The following PTPRN2 variants were observed in gnomAD, a reference collection of about 807,000 sequenced individuals.
The protein encoded by PTPRN2 is receptor-type tyrosine-protein phosphatase N2.
Under a neutral mutation model 118.8 loss-of-function variants are expected in PTPRN2, and 74 were observed. The observed-to-expected ratio is 0.62, with a 90% CI of 0.52 to 0.76. The LOEUF (loss-of-function observed/expected upper bound fraction) is 0.76. Among genes scored for constraint, PTPRN2 ranks in the 30% least tolerant of loss-of-function variants. PTPRN2 has a pLI of 0.00. For missense variants in PTPRN2, 1,481 were observed against 1,394.4 expected (o/e 1.06, Z -0.99); for synonymous variants, 641 against 608.0 (o/e 1.05, Z -0.80).
intron 3 of PTPRN2, among the ~76,000 whole-genome samples, chr7:158,296,390 T>C (rs1800502309): frequency 6.6e-6 from 1 of 152,198 alleles, no homozygotes; most frequent in African/African-American, 2.4e-5. Flanking sequence ...TGGCTCCTGC[T>C]GAGAGTTACT....
In PTPRN2 at chr7:158,541,421, G is replaced by T. The variant is rs753029232; in HGVS notation, c.112+46137C>A. On this transcript the variant is annotated intron_variant, in intron 1 of 22. Coordinates refer to ENST00000389418, the MANE Select transcript of PTPRN2 (RefSeq NM_002847.5). ...AGCAAAGCAAGCATTATTCCACCCG[G>T]TTACCTGCCCACATCTGCACCAGAC... 12 of 1,343,364 alleles carry T rather than the reference G, an allele frequency of 8.9e-6. No individual in the cohort carries two copies. In the African/African-American group the frequency reaches 1.3e-4, roughly 15 times the overall value. The allele number at this position is 1,343,364 out of a possible 1,614,324, so 83.2% of individuals were successfully genotyped here. A position where few individuals can be genotyped will look rare whatever the true frequency, so the allele number is the denominator to read the frequency against.
At position 157,813,180 on chromosome 7, in the gene PTPRN2, T is replaced by A. The variant is rs1404307243; in HGVS notation, c.1788+85493A>T. On this transcript the variant is annotated intron_variant, in intron 12 of 22. Coordinates refer to ENST00000389418, the MANE Select transcript of PTPRN2 (RefSeq NM_002847.5). The surrounding 1 kb of genome is among the most constrained non-coding windows in gnomAD (Gnocchi z 4.7). Reference sequence around the variant, plus strand: ...CACAGACAAGCATCTCCAGAGCGCGTGGGACCGTAGAGAAGGCAGTGACAG... The same window carrying A: ...CACAGACAAGCATCTCCAGAGCGCGAGGGACCGTAGAGAAGGCAGTGACAG... 6.6e-6 allele frequency among the ~76,000 whole-genome samples: 1 copy of A among 152,110 alleles called. No homozygotes were observed.
intron 3 of PTPRN2, among the ~76,000 whole-genome samples, chr7:158,272,962 C>G (rs1049430436): frequency 1.3e-5 from 2 of 152,194 alleles, no homozygotes; most frequent in African/African-American, 4.8e-5. Flanking sequence ...TTGGGACTCT[C>G]GTTTCACTCA....
At chr7:157,962,807 G>C (rs1310182827) in intron 11 of PTPRN2, among the ~76,000 whole-genome samples, 1 of 152,212 alleles carries the variant, frequency 6.6e-6, no homozygotes, top group Admixed American at 6.5e-5. Context: ...ATTTACAAAT[G>C]AGGACCATAT....
chr7:157,771,655 A>C (rs374330040), intron 12 of PTPRN2, among the ~76,000 whole-genome samples: 15 of 152,218 alleles, frequency 9.9e-5, no homozygotes, highest in African/African-American at 3.6e-4. Flanking sequence ...GCACACACAC[A>C]GTCAGAGACA....
chr7:158,377,542 C>T (rs1415076961), intron 2 of PTPRN2, among the ~76,000 whole-genome samples: 1 of 152,114 alleles, frequency 6.6e-6, no homozygotes, highest in Non-Finnish European at 1.5e-5. Flanking sequence ...ATGCAGAGTG[C>T]TAGGGAGGAG....
intron 11 of PTPRN2, among the ~76,000 whole-genome samples, chr7:157,995,375 C>A (rs1804649466): frequency 6.6e-6 from 1 of 152,242 alleles, no homozygotes; most frequent in South Asian, 2.1e-4. Context: ...ACACTGTGTC[C>A]CCAGCTTACA....
rs936057472 is a variant in PTPRN2 at position 157,794,364 on chromosome 7, G to T, written c.1788+104309C>A. On this transcript the variant is annotated intron_variant, in intron 12 of 22. Coordinates refer to ENST00000389418, the MANE Select transcript of PTPRN2 (RefSeq NM_002847.5). This position sits in a 1 kb window ranked among gnomAD's most constrained non-coding sequence, Gnocchi z 5.2. ...CCAGGCTGCCTGCACTTCCGGTTCT[G>T]CGTCTGGCCGGCCTACGGGCACTCG... Among the ~76,000 whole-genome samples the T allele has an allele frequency of 6.6e-6, 1 of 152,190 alleles. No homozygotes were observed. The highest frequency in any genetic ancestry group is 2.4e-5 in the African/African-American group (1 of 41,424).
chr7:158,441,445 G>GTGGTGATAGTGATAGTGATGGTCA, intron 2 of PTPRN2, among the ~76,000 whole-genome samples: 1 of 147,990 alleles, frequency 6.8e-6, no homozygotes. Context: ...GATGGCAGTG[G>GTGGTGATAGTGATAGTGATGGTCA]TGGCAGTGGT....
In PTPRN2 at chr7:157,648,905, T is replaced by C. The variant is rs28425660; in HGVS notation, c.2196+7452A>G. Among the ~76,000 whole-genome samples, 83 of 94,548 alleles carry C rather than the reference T, an allele frequency of 8.8e-4. 1 individual carries two copies. The highest frequency in any genetic ancestry group is 2.0e-3 in the African/African-American group (47 of 23,388). The allele number at this position is 94,548 out of a possible 152,430, so 62.0% of individuals were successfully genotyped here. On this transcript the variant is annotated intron_variant, in intron 14 of 22. Coordinates refer to ENST00000389418, the MANE Select transcript of PTPRN2 (RefSeq NM_002847.5). ...CCAGCGTGCACTGAACTCGGTGGGT[T>C]GGACCCTTTCACTGTGCACTGAACT...
At chr7:158,167,712 A>C (rs1225147137) in intron 5 of PTPRN2, among the ~76,000 whole-genome samples, 1 of 152,126 alleles carries the variant, frequency 6.6e-6, no homozygotes, top group Non-Finnish European at 1.5e-5. Context: ...GTCTCTATGG[A>C]GGAGTCTCTT....
At chr7:157,855,823 C>T (rs1250043328) in intron 12 of PTPRN2, 1 of 152,230 alleles carries the variant, frequency 6.6e-6, no homozygotes, top group Non-Finnish European at 1.5e-5. Context: ...ATTTAATGAA[C>T]TTTCCTCTCT....
intron 4 of PTPRN2, among the ~76,000 whole-genome samples, chr7:158,194,675 G>A (rs1162625051): frequency 6.6e-6 from 1 of 152,236 alleles, no homozygotes; most frequent in Non-Finnish European, 1.5e-5. Flanking sequence ...GGTGGAGGCA[G>A]GTACTTTCCT....
intron 3 of PTPRN2, among the ~76,000 whole-genome samples, chr7:158,224,420 C>A (rs1828600271): frequency 6.6e-6 from 1 of 151,962 alleles, no homozygotes; most frequent in Admixed American, 6.6e-5. Flanking sequence ...GAATAGAAAA[C>A]CCAGAAATAG....
At chr7:158,549,431 C>T (rs928172571) in intron 1 of PTPRN2, among the ~76,000 whole-genome samples, 1 of 152,216 alleles carries the variant, frequency 6.6e-6, no homozygotes, top group Non-Finnish European at 1.5e-5. Context: ...AGACCCAACC[C>T]CTGAACCCCA....
chr7:158,472,031 C>G (rs574583018), intron 2 of PTPRN2, among the ~76,000 whole-genome samples: 2 of 152,356 alleles, frequency 1.3e-5, no homozygotes, highest in East Asian at 3.9e-4. Flanking sequence ...CCTGCCCCAC[C>G]ACGGTTCCAT....
At chr7:157,732,131 C>T (rs796312996) in intron 12 of PTPRN2, among the ~76,000 whole-genome samples, 11 of 87,274 alleles carry the variant, frequency 1.3e-4, no homozygotes, top group South Asian at 4.7e-4. Context: ...CTCTTTTCCG[C>T]CCCATGCGCC....
chr7:157,757,376 A>G lies in PTPRN2; in HGVS notation c.1789-74439T>C, dbSNP rs1244600315. 3.9e-5 allele frequency among the ~76,000 whole-genome samples: 6 copies of G among 152,262 alleles called. No homozygotes were observed. In the East Asian group the frequency reaches 1.2e-3, roughly 29 times the overall value. On this transcript the variant is annotated intron_variant, in intron 12 of 22. Coordinates refer to ENST00000389418, the MANE Select transcript of PTPRN2 (RefSeq NM_002847.5). Reference sequence around the variant, plus strand: ...GAAGGCAGAGCGGGAGAGCAGAGAGACATGCTCCACGCCGCAGGCCCAGCT... The same window carrying G: ...GAAGGCAGAGCGGGAGAGCAGAGAGGCATGCTCCACGCCGCAGGCCCAGCT...
intron 3 of PTPRN2, among the ~76,000 whole-genome samples, chr7:158,262,473 C>T (rs1296145008): frequency 6.8e-6 from 1 of 146,216 alleles, no homozygotes; most frequent in Non-Finnish European, 1.5e-5. Flanking sequence ...ACACTGCAAA[C>T]ATTCACGCTG....
Sources: allele counts gnomAD v4.1 joint callset (sites outside exome capture counted in the v4.1 genomes callset), GRCh38; gene constraint gnomAD v4.1.1; non-coding constraint Gnocchi (gnomAD v3.1); transcripts MANE v1.5; gene names NCBI Gene and HGNC (gene_info 2026-07-23, HGNC 2026-07-21).